Variants in METTL21A observed in about 807,000 individuals in gnomAD.
METTL21A encodes methyltransferase 21A, HSPA lysine.
Under a neutral mutation model 20.9 loss-of-function variants are expected in METTL21A, and 22 were observed. That is an observed-to-expected ratio of 1.05 (90% CI 0.75 to 1.50). METTL21A has a LOEUF of 1.50. Ranked by LOEUF, METTL21A falls within the 40% of genes most tolerant of loss-of-function variation. The probability of loss-of-function intolerance (pLI) is 0.00; values close to 1 mark genes in which losing one functional copy is unlikely to be tolerated. For missense variants in METTL21A, 271 were observed against 266.8 expected, an observed-to-expected ratio of 1.02 and a Z score of -0.11; for synonymous variants, 93 against 102.0, an observed-to-expected ratio of 0.91 and a Z score of 0.53.
rs544683881 is a variant in METTL21A at position 207,587,748 on chromosome 2, C to T, written c.260-5588G>A. On this transcript the variant is annotated intron_variant, in intron 3 of 3. Transcript: ENST00000425132. ...ATGTGGGAGCTAAAAATTTTTTGAG[C>T]TTATGGAAGTAGAGAGTAAAATTGT... Among the ~76,000 whole-genome samples, 4 of 152,114 alleles carry T rather than the reference C, an allele frequency of 2.6e-5. No homozygotes were observed. In the East Asian group the frequency reaches 7.7e-4, roughly 29 times the overall value.
chr2:207,597,574 A>C (rs2106636811), intron 3 of METTL21A: 1 of 209,698 alleles, frequency 4.8e-6, no homozygotes, highest in East Asian at 7.2e-5. Flanking sequence ...TAAGAGACAT[A>C]CCCTCTAAAA....
chr2:207,620,764 T>C, intron 3 of METTL21A: 1 of 1,433,806 alleles, frequency 7.0e-7, no homozygotes, highest in Non-Finnish European at 9.3e-7. Flanking sequence ...CTGCCCATGC[T>C]CCCTGTCGAA....
In METTL21A at chr2:207,600,022, CTT is replaced by C. The variant is rs1397877047; in HGVS notation, c.260-17864_260-17863del. ...AGGGGTTTATTTTTGATATATTACT[CTT>C]ATGAGTTTTCAAGCTTTGATAATGT... On this transcript the variant is annotated intron_variant, in intron 3 of 3. Transcript: ENST00000425132. The C allele has an allele frequency of 2.5e-4, 47 of 189,328 alleles. No individual in the cohort carries two copies. The East Asian group carries it at 3.7e-3, about 15-fold the overall frequency. 11.7% of individuals were successfully genotyped at this position (189,328 alleles called of 1,614,324 possible). A position where few individuals can be genotyped will look rare whatever the true frequency, so the allele number is the denominator to read the frequency against.
intron 3 of METTL21A, among the ~76,000 whole-genome samples, chr2:207,593,720 T>C (rs1339266984): frequency 1.6e-4 from 1 of 6,386 alleles, no homozygotes; most frequent in Non-Finnish European, 2.9e-4. Flanking sequence ...CCTCACAAAC[T>C]TTTTTTTTTT....
chr2:207,596,625 G>A (rs1175666521), intron 3 of METTL21A, among the ~76,000 whole-genome samples: 1 of 152,198 alleles, frequency 6.6e-6, no homozygotes, highest in African/African-American at 2.4e-5. Flanking sequence ...GTAGAGAGGG[G>A]TTTCATCATG....
downstream of METTL21A, among the ~76,000 whole-genome samples, chr2:207,605,631 T>C (rs1488305663): frequency 6.6e-6 from 1 of 152,202 alleles, no homozygotes; most frequent in South Asian, 2.1e-4. Context: ...TGTTCTCTCC[T>C]CCTCCCTCTC....
At chr2:207,614,705 C>CT (rs957248028) in intron 3 of METTL21A, among the ~76,000 whole-genome samples, 4 of 151,772 alleles carry the variant, frequency 2.6e-5, no homozygotes, top group Admixed American at 6.6e-5. Flanking sequence ...CAAAAAGATC[C>CT]TTTTTTTTGA....
intron 3 of METTL21A, among the ~76,000 whole-genome samples, chr2:207,585,114 T>C (rs534110707): frequency 6.4e-4 from 98 of 152,280 alleles, no homozygotes; most frequent in Non-Finnish European, 1.3e-3. Flanking sequence ...TCTGGAATCA[T>C]GAAGGCCAGC....
intron 3 of METTL21A, among the ~76,000 whole-genome samples, chr2:207,593,243 A>G (rs975963104): frequency 6.6e-6 from 1 of 152,056 alleles, no homozygotes; most frequent in African/African-American, 2.4e-5. Context: ...ATTTGTATCA[A>G]GGCTGGGTGC....
intron 3 of METTL21A, among the ~76,000 whole-genome samples, chr2:207,590,083 G>GTTTTTTT (rs59126515): frequency 1.3e-5 from 1 of 76,148 alleles, no homozygotes; most frequent in African/African-American, 4.8e-5. Flanking sequence ...ATTTTGAGAA[G>GTTTTTTT]TTTTTTTTTT....
chr2:207,608,179 G>T (rs948525028), downstream of METTL21A, among the ~76,000 whole-genome samples: 1 of 152,054 alleles, frequency 6.6e-6, no homozygotes, highest in Non-Finnish European at 1.5e-5. Flanking sequence ...CAGCTCTAAA[G>T]AATTAGCTGA....
At chr2:207,614,635 T>A (rs1277441894) in intron 3 of METTL21A, among the ~76,000 whole-genome samples, 1 of 152,230 alleles carries the variant, frequency 6.6e-6, no homozygotes, top group East Asian at 1.9e-4. Context: ...ATGCTTGTTC[T>A]TAATGCTAAG....
chr2:207,597,569 GACAT>G (rs1342259299), intron 3 of METTL21A: 3 of 209,956 alleles, frequency 1.4e-5, no homozygotes, highest in African/African-American at 6.8e-5. Context: ...GTTGTTAAGA[GACAT>G]ACCCTCTAAA....
At chr2:207,620,699 G>T in intron 3 of METTL21A, 1 of 1,533,126 alleles carries the variant, frequency 6.5e-7, no homozygotes. Context: ...TAAGTGCTGT[G>T]GTTGAAGACG....
chr2:207,625,220 G>A (rs1161803650), intron 1 of METTL21A: 2 of 152,236 alleles, frequency 1.3e-5, no homozygotes, highest in African/African-American at 2.4e-5. Context: ...GGAGCACCCA[G>A]GGCTCGCCCA....
chr2:207,593,426 A>T (rs2085464332), intron 3 of METTL21A, among the ~76,000 whole-genome samples: 1 of 152,116 alleles, frequency 6.6e-6, no homozygotes, highest in Non-Finnish European at 1.5e-5. Context: ...GCTGCTGGGG[A>T]GGTTGAGGCA....
At chr2:207,602,808 G>T (rs2087317388) in intron 3 of METTL21A, 1 of 217,730 alleles carries the variant, frequency 4.6e-6, no homozygotes, top group South Asian at 1.9e-4. Flanking sequence ...TTTATTAGGG[G>T]TGGCAAAGAA....
chr2:207,624,720 T>TG (rs1040422787), intron 1 of METTL21A: 2 of 156,230 alleles, frequency 1.3e-5, no homozygotes, highest in African/African-American at 4.8e-5. Context: ...GAAGCGGCGG[T>TG]GATCGCCCAG....
chr2:207,592,242 C>A (rs1291878790), intron 3 of METTL21A, among the ~76,000 whole-genome samples: 1 of 151,896 alleles, frequency 6.6e-6, no homozygotes, highest in Non-Finnish European at 1.5e-5. Context: ...CCTCTCTCTA[C>A]TAAAAATACA....
Sources: gnomAD v4.1 joint callset for allele counts (sites outside exome capture counted in the v4.1 genomes callset) on GRCh38, gnomAD v4.1.1 for gene constraint, MANE v1.5 for transcripts, NCBI Gene and HGNC (gene_info 2026-07-23, HGNC 2026-07-21) for gene names.